The following BASP1 variants were observed in gnomAD, a reference collection of about 807,000 sequenced individuals.
BASP1 encodes the protein brain abundant membrane attached signal protein 1, also known as brain acid soluble protein 1.
In BASP1, 1 loss-of-function variant was observed where a neutral mutation model predicts 2.2. The observed-to-expected ratio is 0.46, with a 90% CI of 0.16 to 2.17. BASP1 has a LOEUF of 2.17. Ranked by LOEUF, BASP1 falls within the 30% of genes most tolerant of loss-of-function variation. The pLI is 0.27. For missense variants in BASP1, 352 were observed against 327.2 expected (o/e 1.08, Z -0.58); for synonymous variants, 187 against 154.2 (o/e 1.21, Z -1.58).
chr5:17,265,093 A>G (rs139807561), intron 1 of BASP1, among the ~76,000 whole-genome samples: 82 of 152,378 alleles, frequency 5.4e-4, no homozygotes, highest in African/African-American at 2.0e-3. Flanking sequence ...GTTAATTGAC[A>G]GAGCAACGTA....
At chr5:17,243,487 C>A (rs1375703764) in intron 1 of BASP1, among the ~76,000 whole-genome samples, 1 of 152,140 alleles carries the variant, frequency 6.6e-6, no homozygotes, top group Admixed American at 6.5e-5. Flanking sequence ...TTTCCGGTGT[C>A]TAACTTGACA....
At chr5:17,231,507 C>T (rs369089618) in intron 1 of BASP1, among the ~76,000 whole-genome samples, 2 of 152,126 alleles carry the variant, frequency 1.3e-5, no homozygotes, top group East Asian at 1.9e-4. Context: ...CTTCTATTTT[C>T]GTCTCTTACC....
Position 17,227,036 on chromosome 5 carries a change from C to T in BASP1, c.-10+9226C>T, listed in dbSNP as rs182437838. 1.1e-3 allele frequency among the ~76,000 whole-genome samples: 168 copies of T among 150,498 alleles called. 1 individual carries two copies. Among genetic ancestry groups the T allele is most frequent in the African/African-American group, 4.0e-3 (164 of 40,876 alleles). On this transcript the variant is annotated intron_variant, in intron 1 of 1. Coordinates refer to ENST00000322611, the MANE Select transcript of BASP1 (RefSeq NM_006317.5). ...CTCAGCCTCCTGGGTTCAAGCGATT[C>T]TCCTGCCTCAGCCTCCCGAGTAGCT...
chr5:17,275,967 C>CTCTA lies in BASP1; in HGVS notation c.*71_*74dup, dbSNP rs1190413054. On this transcript the variant is annotated 3_prime_UTR_variant, in exon 2 of 2. Coordinates refer to ENST00000322611, the MANE Select transcript of BASP1 (RefSeq NM_006317.5). This position sits in a 1 kb window ranked among gnomAD's most constrained non-coding sequence, Gnocchi z 5.3. ...CTCCTCTCTCTCTCTCTCTCTCTCT[C>CTCTA]TCTATCTCTCTCTCTATCTCCTCTC... The CTCTA allele has an allele frequency of 7.6e-6, 9 of 1,184,786 alleles. No homozygotes were observed. The highest frequency in any genetic ancestry group is 3.4e-5 in the African/African-American group (2 of 59,642). The allele number at this position is 1,184,786 out of a possible 1,614,324, so 73.4% of individuals were successfully genotyped here.
chr5:17,264,262 A>G (rs1381020144), intron 1 of BASP1, among the ~76,000 whole-genome samples: 1 of 152,212 alleles, frequency 6.6e-6, no homozygotes, highest in Non-Finnish European at 1.5e-5. Context: ...TATTGTTTGT[A>G]AATTCTTTTC....
chr5:17,235,782 T>C (rs1739730160), intron 1 of BASP1, among the ~76,000 whole-genome samples: 1 of 152,186 alleles, frequency 6.6e-6, no homozygotes, highest in African/African-American at 2.4e-5. Context: ...CCAGCCTTCA[T>C]CCTCCAGCTT....
At chr5:17,243,252 A>G (rs1343871529) in intron 1 of BASP1, among the ~76,000 whole-genome samples, 1 of 151,770 alleles carries the variant, frequency 6.6e-6, no homozygotes, top group Non-Finnish European at 1.5e-5. Context: ...GGGTTCAAGC[A>G]ATTCTTGTGC....
intron 1 of BASP1, among the ~76,000 whole-genome samples, chr5:17,237,051 A>C (rs1739761702): frequency 6.6e-6 from 1 of 152,168 alleles, no homozygotes; most frequent in Non-Finnish European, 1.5e-5. Flanking sequence ...ATTGTAAAGA[A>C]AGGTGATAAG....
In BASP1 at chr5:17,275,641, G is replaced by C; in HGVS notation, c.425G>C (p.Ser142Thr). Residue 142 changes from serine (S) to threonine (T), a missense_variant, in exon 2 of 2, where the codon AGC (serine) becomes ACC (threonine). Transcript: ENST00000322611. The surrounding 1 kb of genome is among the most constrained non-coding windows in gnomAD (Gnocchi z 5.3). ...SAAPAAGEEP[S>T]KEEGEPKKTE... ...GCCCCTGCCGCCGGGGAGGAGCCCA[G>C]CAAGGAGGAAGGGGAACCCAAAAAG... The C allele has an allele frequency of 1.3e-6, 2 of 1,522,904 alleles. No individual in the cohort carries two copies. Among genetic ancestry groups the C allele is most frequent in the Admixed American group, 4.4e-5 (2 of 44,962 alleles). 94.3% of individuals were successfully genotyped at this position (1,522,904 alleles called of 1,614,324 possible).
In BASP1 at chr5:17,242,869, G is replaced by A. The variant is rs79338760; in HGVS notation, c.-10+25059G>A. Among the ~76,000 whole-genome samples the A allele has an allele frequency of 2.5e-3, 379 of 151,420 alleles. 6 individuals are homozygous for A. In the East Asian group the frequency reaches 0.053, roughly 21 times the overall value. On this transcript the variant is annotated intron_variant, in intron 1 of 1. Coordinates refer to ENST00000322611, the MANE Select transcript of BASP1 (RefSeq NM_006317.5). ...AGTTTAAAAAAAAAAAAAGGTAATC[G>A]TAAGCATTTTTTTTTCCTTCTAAAA... is the stretch of plus-strand genomic sequence containing the variant.
At chr5:17,234,600 C>T (rs1015241365) in intron 1 of BASP1, among the ~76,000 whole-genome samples, 182 of 152,094 alleles carry the variant, frequency 1.2e-3, no homozygotes, top group African/African-American at 4.1e-3. Flanking sequence ...GTGAATGTGA[C>T]GTGGGAACAT....
intron 1 of BASP1, among the ~76,000 whole-genome samples, chr5:17,238,095 CTTTAT>C (rs1190648623): frequency 1.3e-5 from 2 of 151,552 alleles, no homozygotes; most frequent in Admixed American, 6.6e-5. Flanking sequence ...CCTATTGACA[CTTTAT>C]TTGGTTTGTG....
chr5:17,253,822 A>T (rs1740148177), intron 1 of BASP1, among the ~76,000 whole-genome samples: 2 of 152,140 alleles, frequency 1.3e-5, no homozygotes, highest in African/African-American at 4.8e-5. Context: ...TTGCTTTATT[A>T]ACAAATTTAC....
chr5:17,261,035 A>T (rs1173036875), intron 1 of BASP1, among the ~76,000 whole-genome samples: 1 of 152,234 alleles, frequency 6.6e-6, no homozygotes, highest in Admixed American at 6.5e-5. Flanking sequence ...TTAAAAATCT[A>T]TTTTATAAAT....
chr5:17,222,432 C>G (rs764355483), intron 1 of BASP1, among the ~76,000 whole-genome samples: 4 of 152,088 alleles, frequency 2.6e-5, no homozygotes, highest in Non-Finnish European at 4.4e-5. Flanking sequence ...TTGTGAAACG[C>G]CTTTCCAGCC....
intron 1 of BASP1, among the ~76,000 whole-genome samples, chr5:17,264,672 G>A (rs532309776): frequency 6.6e-6 from 1 of 152,204 alleles, no homozygotes; most frequent in East Asian, 1.9e-4. Context: ...CAATGATGAA[G>A]CTGCAATCAA....
intron 1 of BASP1, among the ~76,000 whole-genome samples, chr5:17,255,868 G>GC (rs1740200206): frequency 6.6e-6 from 1 of 152,138 alleles, no homozygotes; most frequent in South Asian, 2.1e-4. Flanking sequence ...TAAGACTAAT[G>GC]CTGTCACCAG....
In BASP1 at chr5:17,275,266, A is replaced by G; in HGVS notation, c.50A>G (p.Glu17Gly). The stretch of plus-strand genomic sequence containing the variant: ...AAGAAGGGCTACAATGTGAACGACG[A>G]GAAAGCCAAGGAGAAAGACAAGAAG... ...KKKKGYNVNDEKAKEKDKKAE... is the reference protein window; with the variant it reads ...KKKKGYNVNDGKAKEKDKKAE... The change falls in exon 2 of 2, where the codon GAG becomes GGG. Residue 17 changes from glutamate (E) to glycine (G), a missense_variant. Physicochemically the swap from Glu to Gly is moderately conservative, Grantham distance 98. Transcript: ENST00000322611. This position sits in a 1 kb window ranked among gnomAD's most constrained non-coding sequence, Gnocchi z 5.3. 1 of 1,613,972 alleles carries G rather than the reference A, an allele frequency of 6.2e-7. No individual in the cohort carries two copies.
At chr5:17,255,561 G>A (rs1290735058) in intron 1 of BASP1, among the ~76,000 whole-genome samples, 1 of 152,158 alleles carries the variant, frequency 6.6e-6, no homozygotes, top group Admixed American at 6.6e-5. Flanking sequence ...CACGTTGGAT[G>A]CCTGGTGTCG....
Sources: allele counts gnomAD v4.1 joint callset (sites outside exome capture counted in the v4.1 genomes callset), GRCh38; gene constraint gnomAD v4.1.1; non-coding constraint Gnocchi (gnomAD v3.1); transcripts MANE v1.5; gene names NCBI Gene and HGNC (gene_info 2026-07-23, HGNC 2026-07-21).